The following SUGCT variants were observed in gnomAD, a reference collection of about 807,000 sequenced individuals.
SUGCT encodes succinyl-CoA:glutarate-CoA transferase, also known as succinyl-CoA:glutarate CoA-transferase.
In SUGCT, 41 loss-of-function variants were observed where a neutral mutation model predicts 55.0. That is an observed-to-expected ratio of 0.74 (90% confidence interval 0.58 to 0.97). The LOEUF (loss-of-function observed/expected upper bound fraction) is 0.97, where lower values mean the gene tolerates loss of function less well. SUGCT is among the 50% of genes least tolerant of loss of function. SUGCT has a pLI of 0.00. For synonymous variants in SUGCT, 187 were observed against 200.4 expected (o/e 0.93, Z 0.56); for missense variants, 568 against 547.8 (o/e 1.04, Z -0.37).
intron 9 of SUGCT, among the ~76,000 whole-genome samples, chr7:40,367,378 G>A (rs1457620473): frequency 1.3e-5 from 2 of 150,660 alleles, no homozygotes; most frequent in Non-Finnish European, 3.0e-5. Flanking sequence ...TAACTAACCT[G>A]CACATTTTGC....
At chr7:40,597,920 T>A (rs1316314356) in intron 12 of SUGCT, among the ~76,000 whole-genome samples, 1 of 152,126 alleles carries the variant, frequency 6.6e-6, no homozygotes, top group Non-Finnish European at 1.5e-5. Context: ...TTTGAGCCCT[T>A]CAGATATCAT....
chr7:40,682,269 A>T (rs1486549742), intron 12 of SUGCT, among the ~76,000 whole-genome samples: 2 of 152,128 alleles, frequency 1.3e-5, no homozygotes, highest in African/African-American at 2.4e-5. Flanking sequence ...CATCTCTTTC[A>T]TCTGGCTGCT....
Position 40,704,190 on chromosome 7 carries a change from T to C in SUGCT, c.1090-45244T>C, listed in dbSNP as rs942475998. Among the ~76,000 whole-genome samples, 5 of 152,310 alleles carry C rather than the reference T, an allele frequency of 3.3e-5. No homozygotes were observed. In the East Asian group the frequency reaches 5.8e-4, roughly 18 times the overall value. On this transcript the variant is annotated intron_variant, in intron 12 of 13. Transcript: ENST00000335693. The stretch of plus-strand genomic sequence containing the variant: ...AGCCTTGGCTTTTAATTCAGAAAAA[T>C]TGGCTTTGAGAATAGGAACTATTAC...
intron 12 of SUGCT, among the ~76,000 whole-genome samples, chr7:40,673,907 T>C (rs1309079872): frequency 6.6e-6 from 1 of 152,218 alleles, no homozygotes; most frequent in East Asian, 1.9e-4. Context: ...TTAAAAGATA[T>C]TCCAGATATC....
At chr7:40,737,165 C>T (rs922303963) in intron 12 of SUGCT, among the ~76,000 whole-genome samples, 4 of 152,144 alleles carry the variant, frequency 2.6e-5, no homozygotes, top group African/African-American at 9.7e-5. Context: ...ATATTGGACA[C>T]AGCACAGAGT....
intron 1 of SUGCT, among the ~76,000 whole-genome samples, chr7:40,144,721 C>CA (rs1410383094): frequency 6.6e-5 from 10 of 152,284 alleles, no homozygotes; most frequent in Admixed American, 3.9e-4. Context: ...GTGGGGACAT[C>CA]AGCAGTGGAC....
intron 13 of SUGCT, among the ~76,000 whole-genome samples, chr7:40,813,055 C>T (rs1791502354): frequency 6.6e-6 from 1 of 151,932 alleles, no homozygotes; most frequent in Admixed American, 6.6e-5. Context: ...TAATTTTGTT[C>T]CACTGTAGTC....
At chr7:40,334,694 C>G (rs186832385) in intron 9 of SUGCT, among the ~76,000 whole-genome samples, 3 of 152,144 alleles carry the variant, frequency 2.0e-5, no homozygotes, top group Admixed American at 6.6e-5. Context: ...TTCTCCCATT[C>G]TGTAGGTTGC....
At position 40,559,561 on chromosome 7, in the gene SUGCT, A is replaced by G. The variant is rs1795733946; in HGVS notation, c.1089+63175A>G. Among the ~76,000 whole-genome samples the G allele has an allele frequency of 2.0e-5, 3 of 152,230 alleles. No individual in the cohort carries two copies. In the South Asian group the frequency reaches 6.2e-4, roughly 32 times the overall value. On this transcript the variant is annotated intron_variant, in intron 12 of 13. Transcript: ENST00000335693. ...GAAATGAAGAAGAAAGGGGGTGAGA[A>G]TGTGTATTTGTTTATGAGATAGTGT...
the SUGCT span, among the ~76,000 whole-genome samples, chr7:40,953,358 C>G: frequency 6.6e-6 from 1 of 152,100 alleles, no homozygotes; most frequent in Non-Finnish European, 1.5e-5. Context: ...TTTGTCTCAT[C>G]TTTTTTCAAG....
At chr7:40,157,016 A>AAG (rs1783931115) in intron 1 of SUGCT, among the ~76,000 whole-genome samples, 1 of 151,698 alleles carries the variant, frequency 6.6e-6, no homozygotes, top group African/African-American at 2.4e-5. Flanking sequence ...CTGTCTCAAA[A>AAG]AAAAAAAAAA....
chr7:40,504,431 A>G (rs1792472269), intron 12 of SUGCT, among the ~76,000 whole-genome samples: 1 of 151,940 alleles, frequency 6.6e-6, no homozygotes, highest in Non-Finnish European at 1.5e-5. Context: ...TACCTGGCCA[A>G]GAATAGATTT....
At chr7:40,813,711 A>G (rs1480231191) in intron 13 of SUGCT, among the ~76,000 whole-genome samples, 1 of 152,100 alleles carries the variant, frequency 6.6e-6, no homozygotes, top group Non-Finnish European at 1.5e-5. Context: ...CATTTAGACC[A>G]TTTACATTCT....
At chr7:40,475,622 A>G (rs375196510) in intron 11 of SUGCT, among the ~76,000 whole-genome samples, 6 of 152,324 alleles carry the variant, frequency 3.9e-5, no homozygotes, top group East Asian at 3.9e-4. Context: ...ATGAGTATGT[A>G]TTGAGCTTGA....
At chr7:40,847,411 C>CTTTTTT (rs981613426) in intron 13 of SUGCT, among the ~76,000 whole-genome samples, 29 of 75,372 alleles carry the variant, frequency 3.8e-4, no homozygotes, top group African/African-American at 5.1e-4. Flanking sequence ...TTCTTTCTTT[C>CTTTTTT]TTTTTTTTTT....
chr7:40,316,953 C>CTTTTTTTT (rs1554309222), intron 9 of SUGCT, 98 bp downstream of exon 9: 227 of 183,466 alleles, frequency 1.2e-3, no homozygotes, highest in Non-Finnish European at 1.6e-3. Context: ...AATCCTTCAG[C>CTTTTTTTT]TGTTTTTTTT....
At chr7:40,272,042 G>A (rs931966697) in intron 7 of SUGCT, among the ~76,000 whole-genome samples, 6 of 141,658 alleles carry the variant, frequency 4.2e-5, no homozygotes, top group African/African-American at 7.8e-5. Flanking sequence ...TTTTATGGCT[G>A]AATAATATTC....
chr7:40,398,358 C>T (rs1437102120), intron 9 of SUGCT, among the ~76,000 whole-genome samples: 1 of 152,150 alleles, frequency 6.6e-6, no homozygotes, highest in Non-Finnish European at 1.5e-5. Context: ...TCCCAAAGTG[C>T]TGGGATTACA....
chr7:40,421,294 ATGT>A (rs1353657540), intron 9 of SUGCT, among the ~76,000 whole-genome samples: 1 of 151,968 alleles, frequency 6.6e-6, no homozygotes, highest in East Asian at 1.9e-4. Flanking sequence ...CCAAGTCTCC[ATGT>A]TGTTGTCAAG....
Sources: gnomAD v4.1 joint callset for allele counts (sites outside exome capture counted in the v4.1 genomes callset) on GRCh38, gnomAD v4.1.1 for gene constraint, MANE v1.5 for transcripts, NCBI Gene and HGNC (gene_info 2026-07-23, HGNC 2026-07-21) for gene names.